Variants in BCO1 observed in about 807,000 individuals in gnomAD.
BCO1 encodes beta,beta-carotene 15,15'-dioxygenase.
Under a neutral mutation model 56.3 loss-of-function variants are expected in BCO1, and 54 were observed. The observed-to-expected ratio is 0.96, with a 90% CI of 0.77 to 1.20. BCO1 has a LOEUF of 1.20. Among genes scored for constraint, BCO1 ranks in the 50% most tolerant of loss-of-function variants. The pLI is 0.00. For missense variants in BCO1, 801 were observed against 690.9 expected, an observed-to-expected ratio of 1.16 and a Z score of -1.79; for synonymous variants, 318 against 266.1, an observed-to-expected ratio of 1.20 and a Z score of -1.90.
In BCO1 at chr16:81,280,977, C is replaced by G; in HGVS notation, c.1207+15C>G. On this transcript the variant is annotated intron_variant, in intron 8 of 10. Coordinates refer to ENST00000258168, the MANE Select transcript of BCO1 (RefSeq NM_017429.3). Reference sequence around the variant, plus strand: ...TCTTTATGAAGGTAAAATGCATCCTCTTGTCCTGAGTTTAGGAAAGGGGCA... The same window carrying G: ...TCTTTATGAAGGTAAAATGCATCCTGTTGTCCTGAGTTTAGGAAAGGGGCA... The G allele has an allele frequency of 6.3e-7, 1 of 1,588,572 alleles. No individual in the cohort carries two copies. The highest frequency in any genetic ancestry group is 8.6e-7 in the Non-Finnish European group (1 of 1,157,110).
intron 7 of BCO1, among the ~76,000 whole-genome samples, chr16:81,277,064 T>G (rs1482913343): frequency 2.2e-5 from 1 of 45,470 alleles, no homozygotes; most frequent in Admixed American, 2.7e-4. Context: ...AGACTCGGTC[T>G]CAAAAAAAAA....
intron 2 of BCO1, among the ~76,000 whole-genome samples, chr16:81,254,845 G>A (rs1906029445): frequency 6.6e-6 from 1 of 152,188 alleles, no homozygotes; most frequent in Non-Finnish European, 1.5e-5. Flanking sequence ...TGCCCAGGCT[G>A]AAGTGCAGTA....
intron 2 of BCO1, among the ~76,000 whole-genome samples, chr16:81,249,092 C>CT (rs546566864): frequency 0.011 from 1,502 of 133,402 alleles, 33 homozygotes; most frequent in African/African-American, 0.038. Flanking sequence ...CTCTTTCTTT[C>CT]TTTTTTTTTT....
At chr16:81,258,275 G>C (rs116374630) in intron 2 of BCO1, among the ~76,000 whole-genome samples, 1 of 152,112 alleles carries the variant, frequency 6.6e-6, no homozygotes, top group East Asian at 1.9e-4. Flanking sequence ...AACTAACACG[G>C]GTCTAGAACC....
chr16:81,262,478 C>T (rs1231139397), intron 4 of BCO1, 195 bp downstream of exon 4: 4 of 633,792 alleles, frequency 6.3e-6, no homozygotes, highest in Middle Eastern at 4.2e-4. Flanking sequence ...ATCTTCGTGT[C>T]TGTATCAGTT....
chr16:81,273,322 G>A (rs904419673), intron 7 of BCO1, among the ~76,000 whole-genome samples: 1 of 152,086 alleles, frequency 6.6e-6, no homozygotes, highest in Non-Finnish European at 1.5e-5. Context: ...GAGGAACTCT[G>A]CTATTCTCCC....
intron 2 of BCO1, among the ~76,000 whole-genome samples, chr16:81,252,692 C>T (rs1045313658): frequency 2.0e-5 from 3 of 152,184 alleles, no homozygotes; most frequent in Non-Finnish European, 2.9e-5. Flanking sequence ...CTTAAGTGGG[C>T]CTCTGTCTCC....
At chr16:81,265,318 CTCCA>C (rs1363614550) in intron 5 of BCO1, among the ~76,000 whole-genome samples, 5 of 145,488 alleles carry the variant, frequency 3.4e-5, no homozygotes, top group African/African-American at 1.0e-4. Context: ...CACACCATCC[CTCCA>C]TCCATCCATC....
At chr16:81,248,552 G>A (rs572790694) in intron 2 of BCO1, among the ~76,000 whole-genome samples, 1 of 152,260 alleles carries the variant, frequency 6.6e-6, no homozygotes, top group African/African-American at 2.4e-5. Context: ...CGCGAGCTCT[G>A]AGTCTGCAAT....
At position 81,245,542 on chromosome 16, in the gene BCO1, G is replaced by A. The variant is rs896361256; in HGVS notation, c.132G>A (p.Glu44=). The part of the protein sequence containing the change: ...RNGPGMHTVG[E]SRYNHWFDGL... Reference sequence around the variant, plus strand: ...GGCCTGGGATGCACACAGTTGGGGAGTCCAGATACAACCATTGGTTCGACG... The same window carrying A: ...GGCCTGGGATGCACACAGTTGGGGAATCCAGATACAACCATTGGTTCGACG... The change falls in exon 2 of 11, where the codon GAG becomes GAA. Residue 44 remains glutamate, a synonymous_variant. Transcript: ENST00000258168. 2.5e-6 allele frequency: 4 copies of A among 1,613,800 alleles called. No individual in the cohort carries two copies. The highest frequency in any genetic ancestry group is 3.4e-6 in the Non-Finnish European group (4 of 1,179,696).
At position 81,290,770 on chromosome 16, in the gene BCO1, A is replaced by C. The variant is rs1431676254; in HGVS notation, c.*193A>C. The C allele has an allele frequency of 1.0e-5, 6 of 583,236 alleles. No homozygotes were observed. Among genetic ancestry groups the C allele is most frequent in the Non-Finnish European group, 1.8e-5 (6 of 329,754 alleles). The allele number at this position is 583,236 out of a possible 1,614,324, so 36.1% of individuals were successfully genotyped here. ...ATTTTGGCTGTAAAAATTTTGTTTG[A>C]AAGTCAAACATTTGAACATCAAATA... On this transcript the variant is annotated 3_prime_UTR_variant, in exon 11 of 11. Transcript: ENST00000258168.
In BCO1 at chr16:81,239,022, T is replaced by A. The variant is rs757979814; in HGVS notation, c.64+50T>A. ...CTCTTTCTTCTATTTATTTTATTAT[T>A]TTTTTTTTTTTTGAGGCGGAGTCTC... On this transcript the variant is annotated intron_variant, in intron 1 of 10. Transcript: ENST00000258168. The A allele has an allele frequency of 1.5e-5, 13 of 875,388 alleles. No homozygotes were observed. The African/African-American group carries it at 2.0e-4, about 14-fold the overall frequency. The allele number at this position is 875,388 out of a possible 1,614,324, so 54.2% of individuals were successfully genotyped here. A position where few individuals can be genotyped will look rare whatever the true frequency, so the allele number is the denominator to read the frequency against.
chr16:81,283,988 A>C (rs1908023638), intron 8 of BCO1, among the ~76,000 whole-genome samples: 1 of 151,672 alleles, frequency 6.6e-6, no homozygotes, highest in Non-Finnish European at 1.5e-5. Flanking sequence ...GATCGAGACC[A>C]TCCTGGCTAA....
chr16:81,285,733 G>T (rs80156294), intron 9 of BCO1, 99 bp downstream of exon 9: 3 of 927,472 alleles, frequency 3.2e-6, no homozygotes, highest in Non-Finnish European at 5.3e-6. Flanking sequence ...GAAAAGAGGA[G>T]GTCAGAAGGA....
rs1233485146 is a variant in BCO1, at chr16:81,274,901, C to CA, written c.1101+4500dup. On this transcript the variant is annotated intron_variant, in intron 7 of 10. Transcript: ENST00000258168. ...TGGGCAACAGAGTGAGACTCCATCT[C>CA]AAAAAAAAAAAAAAAGAAAGCTGTC... Among the ~76,000 whole-genome samples, 1,177 of 124,566 alleles carry CA rather than the reference C, an allele frequency of 9.4e-3. 14 individuals carry two copies. Among genetic ancestry groups the CA allele is most frequent in the African/African-American group, 0.032 (1,043 of 33,108 alleles). The allele number at this position is 124,566 out of a possible 152,430, so 81.7% of individuals were successfully genotyped here. A position where few individuals can be genotyped will look rare whatever the true frequency, so the allele number is the denominator to read the frequency against.
At position 81,259,661 on chromosome 16, in the gene BCO1, G is replaced by T. The variant is rs1164513355; in HGVS notation, c.194-15G>T. The T allele has an allele frequency of 1.2e-6, 2 of 1,614,088 alleles. No homozygotes were observed. Among genetic ancestry groups the T allele is most frequent in the East Asian group, 4.5e-5 (2 of 44,902 alleles). ...AAGGCGTCAGCCTGAGATTATGCTGGTTCTTCTCTTGCAGGTGAAGTCTAT... is the reference window on the plus strand; with the variant it reads ...AAGGCGTCAGCCTGAGATTATGCTGTTTCTTCTCTTGCAGGTGAAGTCTAT... On this transcript the variant is annotated splice_polypyrimidine_tract_variant and intron_variant, in intron 2 of 10. Transcript: ENST00000258168.
At chr16:81,289,866 G>A (rs1031601431) in intron 10 of BCO1, among the ~76,000 whole-genome samples, 10 of 150,304 alleles carry the variant, frequency 6.7e-5, no homozygotes, top group African/African-American at 2.5e-4. Flanking sequence ...TCATTCGTTT[G>A]TTTGTTCGTT....
At chr16:81,281,025 G>A (rs2150640492) in intron 8 of BCO1, 63 bp downstream of exon 8, 2 of 1,204,432 alleles carry the variant, frequency 1.7e-6, no homozygotes, top group East Asian at 4.9e-5. Context: ...GAGCCCAGAG[G>A]CCTCTTTACA....
chr16:81,282,765 C>T (rs570557410), intron 8 of BCO1, among the ~76,000 whole-genome samples: 4 of 152,078 alleles, frequency 2.6e-5, no homozygotes, highest in Non-Finnish European at 4.4e-5. Context: ...ACCCGTAATC[C>T]CTGCCCCCGT....
Sources: gnomAD v4.1 joint callset for allele counts (sites outside exome capture counted in the v4.1 genomes callset) on GRCh38, gnomAD v4.1.1 for gene constraint, MANE v1.5 for transcripts, NCBI Gene and HGNC (gene_info 2026-07-23, HGNC 2026-07-21) for gene names.